ANKRD28: variants seen among roughly 807,000 people sequenced by gnomAD.
ANKRD28 encodes the protein serine/threonine-protein phosphatase 6 regulatory ankyrin repeat subunit A.
ANKRD28 carries 44 observed loss-of-function variants against 126.5 expected under a neutral mutation model. That is an observed-to-expected ratio of 0.35 (90% CI 0.27 to 0.45). The LOEUF is 0.45. Among genes scored for constraint, ANKRD28 ranks in the 20% least tolerant of loss-of-function variants. ANKRD28 has a pLI of 1.00. For synonymous variants in ANKRD28, 442 were observed against 468.5 expected, an observed-to-expected ratio of 0.94 and a Z score of 0.73; for missense variants, 1,110 against 1,316.6, an observed-to-expected ratio of 0.84 and a Z score of 2.43.
rs555777325 is a variant in ANKRD28 at position 15,762,447 on chromosome 3, T to C, written c.280+3787A>G. Among the ~76,000 whole-genome samples, 41 of 152,286 alleles carry C rather than the reference T, an allele frequency of 2.7e-4. 1 individual carries two copies. In the South Asian group the frequency reaches 8.3e-3, roughly 31 times the overall value. On this transcript the variant is annotated intron_variant, in intron 3 of 27. Coordinates refer to ENST00000683139, the MANE Select transcript of ANKRD28 (RefSeq NM_001349278.2). ...TGTTCAGGAAGGTACTTATATCATA[T>C]TAAAGCTTTAAAGGCTGTTTCTTGA...
rs944446522 is a variant in ANKRD28 at position 15,853,989 on chromosome 3, G to A, written c.27+5388C>T. Among the ~76,000 whole-genome samples the A allele has an allele frequency of 2.6e-5, 4 of 152,082 alleles. No homozygotes were observed. The highest frequency in any genetic ancestry group is 1.9e-4 in the East Asian group (1 of 5,206). On this transcript the variant is annotated intron_variant, in intron 1 of 27. Coordinates refer to the ANKRD28 transcript ENST00000399451. The surrounding 1 kb of genome is among the most constrained non-coding windows in gnomAD (Gnocchi z 4.2). ...CTCGATCTGTACTAAAATATTTTAC[G>A]TATGTTCTGATTTACAGCAGTAGCT... is the stretch of plus-strand genomic sequence containing the variant.
rs778096125 is a variant in ANKRD28 at position 15,713,636 on chromosome 3, C to T, written c.1081G>A (p.Val361Ile). ...RSQTIIQSGAVIDCEDKNGNT... is the reference protein window; with the variant it reads ...RSQTIIQSGAIIDCEDKNGNT... ...CCATTCTTATCCTCACAGTCGATTA[C>T]AGCTCCTGCAATATAGGACTTACTG... is the stretch of plus-strand genomic sequence containing the variant. Residue 361 changes from valine (V) to isoleucine (I), a missense_variant, in exon 10 of 28, where the codon GTA becomes ATA. Coordinates refer to ENST00000683139, the MANE Select transcript of ANKRD28 (RefSeq NM_001349278.2). 1.3e-6 allele frequency: 2 copies of T among 1,596,634 alleles called. No homozygotes were observed. Among genetic ancestry groups the T allele is most frequent in the African/African-American group, 1.3e-5 (1 of 74,144 alleles).
chr3:15,765,637 C>G (rs576154834), intron 3 of ANKRD28, among the ~76,000 whole-genome samples: 3 of 152,088 alleles, frequency 2.0e-5, no homozygotes, highest in Admixed American at 6.5e-5. Context: ...GTCAGGAGAT[C>G]GAGATCATCC....
At chr3:15,674,597 A>T (rs140886062) in intron 27 of ANKRD28, among the ~76,000 whole-genome samples, 122 of 152,318 alleles carry the variant, frequency 8.0e-4, no homozygotes, top group African/African-American at 2.7e-3. Context: ...GGAGATATAA[A>T]TCTGGGAATC....
intron 1 of ANKRD28, among the ~76,000 whole-genome samples, chr3:15,850,731 T>C (rs1471677554): frequency 6.6e-6 from 1 of 152,208 alleles, no homozygotes; most frequent in East Asian, 1.9e-4. Flanking sequence ...CTTCCATCTC[T>C]ATCCTTTTGT....
intron 24 of ANKRD28, 104 bp downstream of exon 24, chr3:15,678,105 A>T: frequency 8.7e-7 from 1 of 1,154,120 alleles, no homozygotes; most frequent in South Asian, 1.7e-5. Context: ...TTTAAGTCTT[A>T]GGAGTGGTAA....
chr3:15,806,667 G>A (rs12632542), intron 1 of ANKRD28, among the ~76,000 whole-genome samples: 70,681 of 151,828 alleles, frequency 0.47, 19,378 homozygotes, highest in Non-Finnish European at 0.6. Flanking sequence ...GATTACAGGC[G>A]CATGCCACCA....
intron 26 of ANKRD28, 54 bp from the exon 27 acceptor site, chr3:15,676,043 A>G (rs752111931): frequency 7.1e-7 from 1 of 1,412,912 alleles, no homozygotes; most frequent in Non-Finnish European, 9.7e-7. Context: ...ATGCACATAC[A>G]CATACACACC....
chr3:15,691,709 G>A (rs1409714838), intron 17 of ANKRD28, among the ~76,000 whole-genome samples: 2 of 152,140 alleles, frequency 1.3e-5, no homozygotes, highest in African/African-American at 4.8e-5. Context: ...AGTGACTGTA[G>A]GTCACGGAAT....
intron 14 of ANKRD28, among the ~76,000 whole-genome samples, chr3:15,699,186 A>C (rs184489313): frequency 6.6e-6 from 1 of 152,244 alleles, no homozygotes; most frequent in Non-Finnish European, 1.5e-5. Context: ...CTGGCTAGCC[A>C]TATGTAGAAA....
In ANKRD28 at chr3:15,753,037, T is replaced by C. The variant is rs565754675; in HGVS notation, c.281-1217A>G. ...TGGAGGTGTAAGAAACATCCACAAA[T>C]GTAGTAGTTGAGATGCTGAGAGTAG... On this transcript the variant is annotated intron_variant, in intron 3 of 27. Coordinates refer to ENST00000683139, the MANE Select transcript of ANKRD28 (RefSeq NM_001349278.2). Among the ~76,000 whole-genome samples, 5 of 152,134 alleles carry C rather than the reference T, an allele frequency of 3.3e-5. No homozygotes were observed. The South Asian group carries it at 8.3e-4, about 25-fold the overall frequency.
At chr3:15,698,967 A>G (rs928706508) in intron 14 of ANKRD28, among the ~76,000 whole-genome samples, 2 of 152,246 alleles carry the variant, frequency 1.3e-5, no homozygotes, top group Non-Finnish European at 2.9e-5. Flanking sequence ...AGCTGGAAGC[A>G]TCATGCTACC....
chr3:15,673,807 C>T (rs2066626592), intron 27 of ANKRD28, among the ~76,000 whole-genome samples: 1 of 151,824 alleles, frequency 6.6e-6, no homozygotes, highest in Admixed American at 6.6e-5. Flanking sequence ...GCTGGCATGG[C>T]AGAATGAAGT....
chr3:15,788,064 C>A (rs2125753349), intron 2 of ANKRD28, among the ~76,000 whole-genome samples: 1 of 152,296 alleles, frequency 6.6e-6, no homozygotes, highest in East Asian at 1.9e-4. Flanking sequence ...CTCATAATCT[C>A]AGCCTTCCTA....
chr3:15,699,286 A>T (rs1422506591), intron 14 of ANKRD28, among the ~76,000 whole-genome samples: 1 of 152,112 alleles, frequency 6.6e-6, no homozygotes, highest in Non-Finnish European at 1.5e-5. Flanking sequence ...ACCATAAAAA[A>T]CCCTATTAGA....
intron 1 of ANKRD28, among the ~76,000 whole-genome samples, chr3:15,808,407 C>CA (rs976622830): frequency 2.0e-5 from 3 of 152,304 alleles, no homozygotes; most frequent in African/African-American, 7.2e-5. Context: ...CTTTCTACCT[C>CA]AGAGAGGAAA....
At chr3:15,678,116 G>C in intron 24 of ANKRD28, 93 bp downstream of exon 24, 1 of 1,250,716 alleles carries the variant, frequency 8.0e-7, no homozygotes, top group Non-Finnish European at 1.1e-6. Flanking sequence ...GGAGTGGTAA[G>C]ATAACTAGTT....
chr3:15,765,224 G>A (rs1000492555), intron 3 of ANKRD28, among the ~76,000 whole-genome samples: 9 of 151,988 alleles, frequency 5.9e-5, no homozygotes, highest in African/African-American at 1.7e-4. Context: ...GGGACTGCAC[G>A]TAGTCTGACC....
intron 17 of ANKRD28, among the ~76,000 whole-genome samples, chr3:15,693,441 G>A (rs186962215): frequency 2.6e-5 from 4 of 151,742 alleles, no homozygotes; most frequent in Admixed American, 6.6e-5. Flanking sequence ...GAATACAAAT[G>A]AGAATTTCTA....
Sources: gnomAD v4.1 joint callset for allele counts (sites outside exome capture counted in the v4.1 genomes callset) on GRCh38, gnomAD v4.1.1 for gene constraint, Gnocchi (gnomAD v3.1) non-coding constraint, MANE v1.5 for transcripts, NCBI Gene and HGNC (gene_info 2026-07-23, HGNC 2026-07-21) for gene names.